Variants in SORCS1 observed in about 807,000 individuals in gnomAD.
The protein encoded by SORCS1 is sortilin related VPS10 domain containing receptor 1, also known as VPS10 domain-containing receptor SorCS1.
In SORCS1, 60 loss-of-function variants were observed where a neutral mutation model predicts 146.1. The ratio of observed to expected loss-of-function variants is 0.41; its 90% confidence interval spans 0.33 to 0.51. SORCS1 has a LOEUF of 0.51. Among genes scored for constraint, SORCS1 ranks in the 20% least tolerant of loss-of-function variants. The probability of loss-of-function intolerance (pLI) is 0.21; values close to 1 mark genes in which losing one functional copy is unlikely to be tolerated. For synonymous variants in SORCS1, 637 were observed against 584.0 expected (o/e 1.09, Z -1.31); for missense variants, 1,352 against 1,487.6 (o/e 0.91, Z 1.50).
rs377299536 is a variant in SORCS1, at chr10:107,031,103, C to T, written c.559-74523G>A. Reference sequence around the variant, plus strand: ...CCTATGTGGAGGGTATTCATGCAGACGGAAGCAGAGGTCTACATATAAAAT... The same window carrying T: ...CCTATGTGGAGGGTATTCATGCAGATGGAAGCAGAGGTCTACATATAAAAT... On this transcript the variant is annotated intron_variant, in intron 1 of 25. Coordinates refer to ENST00000263054, the MANE Select transcript of SORCS1 (RefSeq NM_052918.5). 3.9e-5 allele frequency among the ~76,000 whole-genome samples: 6 copies of T among 152,072 alleles called. No homozygotes were observed. The East Asian group carries it at 5.8e-4, about 15-fold the overall frequency.
chr10:106,839,202 C>T (rs1300508092), intron 2 of SORCS1, among the ~76,000 whole-genome samples: 1 of 152,146 alleles, frequency 6.6e-6, no homozygotes, highest in Non-Finnish European at 1.5e-5. Flanking sequence ...AAAGGCAAGA[C>T]AGGGCAAAAG....
At chr10:107,034,687 A>AAAAAAAAAC (rs1225392732) in intron 1 of SORCS1, among the ~76,000 whole-genome samples, 4 of 142,962 alleles carry the variant, frequency 2.8e-5, no homozygotes, top group African/African-American at 1.0e-4. Context: ...TCTCAAAAAA[A>AAAAAAAAAC]AAAAAAAAAA....
chr10:106,912,309 A>G lies in SORCS1; in HGVS notation c.626+44204T>C, dbSNP rs569498427. On this transcript the variant is annotated intron_variant, in intron 2 of 25. Transcript: ENST00000263054. Reference sequence around the variant, plus strand: ...TCAGAATAACTGAACATGAAACAAAACAAAACGAAGCAAAACACAATAGTG... The same window carrying G: ...TCAGAATAACTGAACATGAAACAAAGCAAAACGAAGCAAAACACAATAGTG... Among the ~76,000 whole-genome samples, 18 of 138,244 alleles carry G rather than the reference A, an allele frequency of 1.3e-4. No homozygotes were observed. In the South Asian group the frequency reaches 4.5e-3, roughly 35 times the overall value. 90.7% of individuals were successfully genotyped at this position (138,244 alleles called of 152,430 possible).
At chr10:107,035,290 A>C (rs977591264) in intron 1 of SORCS1, among the ~76,000 whole-genome samples, 9 of 149,766 alleles carry the variant, frequency 6.0e-5, no homozygotes, top group Non-Finnish European at 8.9e-5. Context: ...AAAAAAAAAA[A>C]CACAGAAAAA....
rs1564765085 is a variant in SORCS1, at chr10:106,878,639, TA to T, written c.627-48967del. ...TACCTAGTATATATATATATATATA[TA>T]TATATATATTTTATAGCAGCCTGAA... On this transcript the variant is annotated intron_variant, in intron 2 of 25. Transcript: ENST00000263054. Among the ~76,000 whole-genome samples, 8 of 138,040 alleles carry T rather than the reference TA, an allele frequency of 5.8e-5. No individual in the cohort carries two copies. The South Asian group carries it at 6.9e-4, about 12-fold the overall frequency. The allele number at this position is 138,040 out of a possible 152,430, so 90.6% of individuals were successfully genotyped here.
chr10:106,740,962 G>C (rs1857318094), intron 5 of SORCS1, among the ~76,000 whole-genome samples: 1 of 152,208 alleles, frequency 6.6e-6, no homozygotes, highest in Admixed American at 6.5e-5. Flanking sequence ...AAAGAGTAGA[G>C]ATAATAGTAC....
intron 1 of SORCS1, among the ~76,000 whole-genome samples, chr10:107,156,926 T>A (rs967459129): frequency 6.6e-6 from 1 of 152,210 alleles, no homozygotes; most frequent in African/African-American, 2.4e-5. Flanking sequence ...AGGTTATTAC[T>A]GGGAACCTCA....
chr10:107,025,624 T>C (rs1958367227), intron 1 of SORCS1, among the ~76,000 whole-genome samples: 1 of 152,084 alleles, frequency 6.6e-6, no homozygotes, highest in Non-Finnish European at 1.5e-5. Flanking sequence ...TAAAACAAAA[T>C]GGTCAATTTC....
intron 1 of SORCS1, among the ~76,000 whole-genome samples, chr10:106,972,546 G>A (rs1288901194): frequency 6.9e-6 from 1 of 145,518 alleles, no homozygotes; most frequent in East Asian, 2.0e-4. Context: ...TTTTTTTTTG[G>A]CCGTAAAGTT....
At chr10:107,016,611 G>T (rs1957909030) in intron 1 of SORCS1, among the ~76,000 whole-genome samples, 1 of 152,222 alleles carries the variant, frequency 6.6e-6, no homozygotes, top group Non-Finnish European at 1.5e-5. Context: ...TTGTGACCTT[G>T]GAGTAAACAA....
At chr10:107,080,464 G>A (rs1259625455) in intron 1 of SORCS1, among the ~76,000 whole-genome samples, 3 of 152,134 alleles carry the variant, frequency 2.0e-5, no homozygotes, top group Non-Finnish European at 4.4e-5. Flanking sequence ...AAAAAATCTT[G>A]TACTTTACTC....
chr10:106,710,167 A>G (rs1001257340), intron 6 of SORCS1, among the ~76,000 whole-genome samples: 1 of 152,144 alleles, frequency 6.6e-6, no homozygotes, highest in East Asian at 1.9e-4. Context: ...AGTAAAACAG[A>G]GCCGGGAGCT....
intron 4 of SORCS1, among the ~76,000 whole-genome samples, chr10:106,765,679 A>G (rs1859515044): frequency 6.6e-6 from 1 of 151,952 alleles, no homozygotes; most frequent in African/African-American, 2.4e-5. Context: ...GCAGATGAAG[A>G]TGGGATGAGA....
intron 1 of SORCS1, among the ~76,000 whole-genome samples, chr10:107,129,974 C>A (rs916845279): frequency 1.3e-5 from 2 of 152,188 alleles, no homozygotes; most frequent in African/African-American, 2.4e-5. Flanking sequence ...TACAGAGGAT[C>A]CACCTCATCT....
chr10:106,670,868 A>G (rs1395062387), intron 16 of SORCS1, among the ~76,000 whole-genome samples: 2 of 151,606 alleles, frequency 1.3e-5, no homozygotes, highest in Non-Finnish European at 2.9e-5. Flanking sequence ...TAATTTTTCT[A>G]TTTTTAGTAG....
At chr10:107,147,951 G>T (rs585782) in intron 1 of SORCS1, among the ~76,000 whole-genome samples, 48,545 of 151,658 alleles carry the variant, frequency 0.32, 9,146 homozygotes, top group African/African-American at 0.54. Context: ...TGGAGAAATC[G>T]TCAGACAGGA....
chr10:106,951,538 C>T (rs1004255454), intron 2 of SORCS1, among the ~76,000 whole-genome samples: 1 of 147,818 alleles, frequency 6.8e-6, no homozygotes. Context: ...AAACGGAACA[C>T]CTGGAGGACA....
At chr10:106,792,919 T>C (rs1253840841) in intron 3 of SORCS1, among the ~76,000 whole-genome samples, 1 of 152,216 alleles carries the variant, frequency 6.6e-6, no homozygotes, top group Non-Finnish European at 1.5e-5. Context: ...CATCACTTTT[T>C]TGAGAGGAAA....
At chr10:106,988,330 T>C (rs532146987) in intron 1 of SORCS1, among the ~76,000 whole-genome samples, 119 of 152,342 alleles carry the variant, frequency 7.8e-4, no homozygotes, top group African/African-American at 2.5e-3. Flanking sequence ...AGCATTCATA[T>C]ATCAGCTGAT....
Sources: gnomAD v4.1 joint callset for allele counts (sites outside exome capture counted in the v4.1 genomes callset) on GRCh38, gnomAD v4.1.1 for gene constraint, MANE v1.5 for transcripts, NCBI Gene and HGNC (gene_info 2026-07-23, HGNC 2026-07-21) for gene names.